The following VRK2 variants were observed in gnomAD, a reference collection of about 807,000 sequenced individuals.
VRK2 encodes the protein VRK serine/threonine kinase 2, also known as serine/threonine-protein kinase VRK2.
In VRK2, 60 loss-of-function variants were observed where a neutral mutation model predicts 57.6. That is an observed-to-expected ratio of 1.04 (90% confidence interval 0.85 to 1.29). VRK2 has a LOEUF of 1.29. Among genes scored for constraint, VRK2 ranks in the 50% most tolerant of loss-of-function variants. VRK2 has a pLI of 0.00. For missense variants in VRK2, 705 were observed against 588.1 expected, an observed-to-expected ratio of 1.20 and a Z score of -2.06; for synonymous variants, 231 against 199.2, an observed-to-expected ratio of 1.16 and a Z score of -1.35.
At chr2:57,939,284 G>T (rs1305371211) in intron 1 of VRK2, among the ~76,000 whole-genome samples, 1 of 152,030 alleles carries the variant, frequency 6.6e-6, no homozygotes, top group African/African-American at 2.4e-5. Flanking sequence ...CACTTTCATT[G>T]TCTTTTCCAA....
chr2:57,963,524 T>A (rs1207432526), intron 1 of VRK2, among the ~76,000 whole-genome samples: 1 of 152,220 alleles, frequency 6.6e-6, no homozygotes, highest in African/African-American at 2.4e-5. Context: ...AAATAGGATT[T>A]TTAAAAAAAA....
intron 2 of VRK2, among the ~76,000 whole-genome samples, chr2:58,053,730 T>A (rs930625439): frequency 5.3e-5 from 8 of 152,130 alleles, no homozygotes; most frequent in African/African-American, 1.9e-4. Context: ...CATATTACAT[T>A]ATTAAGTGTT....
chr2:58,154,252 CT>C (rs1242860222), intron 12 of VRK2, among the ~76,000 whole-genome samples: 3 of 150,298 alleles, frequency 2.0e-5, no homozygotes, highest in African/African-American at 7.3e-5. Context: ...ATTGATCATT[CT>C]GTATTTTTTA....
chr2:58,008,512 A>T (rs2103641431), intron 1 of VRK2, among the ~76,000 whole-genome samples: 1 of 152,062 alleles, frequency 6.6e-6, no homozygotes, highest in African/African-American at 2.4e-5. Flanking sequence ...TCCTGTGGTT[A>T]ACAAACGTGA....
In VRK2 at chr2:58,035,646, A is replaced by T. The variant is rs181459307; in HGVS notation, c.-6+2093A>T. On this transcript the variant is annotated intron_variant, in intron 3 of 15. Coordinates refer to the VRK2 transcript ENST00000417641. ...TGACATTTGAATGTTCATTACCCTT[A>T]TCCAATCAATTCAACATTGCTAACT... Among the ~76,000 whole-genome samples the T allele has an allele frequency of 6.6e-5, 10 of 152,144 alleles. No homozygotes were observed. In the East Asian group the frequency reaches 1.9e-3, roughly 30 times the overall value.
chr2:58,080,147 C>G (rs537415201), intron 2 of VRK2, among the ~76,000 whole-genome samples: 2 of 152,008 alleles, frequency 1.3e-5, no homozygotes, highest in South Asian at 4.1e-4. Context: ...AATAAAAACA[C>G]ATTTTAACTG....
At chr2:58,078,679 C>T (rs1407224646) in intron 2 of VRK2, among the ~76,000 whole-genome samples, 1 of 151,936 alleles carries the variant, frequency 6.6e-6, no homozygotes. Flanking sequence ...AAATTTAAAA[C>T]AAATTTTGTT....
Position 58,105,856 on chromosome 2 carries a change from T to G in VRK2, c.543+16133T>G, listed in dbSNP as rs543692965. ...AGTTAGTGTAAACCAAGTAGGCTACTTCCAATGCTGGTTAGTTGTGTTTTA... is the reference window on the plus strand; with the variant it reads ...AGTTAGTGTAAACCAAGTAGGCTACGTCCAATGCTGGTTAGTTGTGTTTTA... On this transcript the variant is annotated intron_variant, in intron 7 of 12. Coordinates refer to ENST00000340157, the MANE Select transcript of VRK2 (RefSeq NM_006296.7). 1.1e-3 allele frequency among the ~76,000 whole-genome samples: 172 copies of G among 152,102 alleles called. 1 individual carries two copies. Among genetic ancestry groups the G allele is most frequent in the African/African-American group, 4.0e-3 (165 of 41,560 alleles).
chr2:58,113,262 C>T (rs1344952037), intron 7 of VRK2, among the ~76,000 whole-genome samples: 1 of 149,894 alleles, frequency 6.7e-6, no homozygotes, highest in Non-Finnish European at 1.5e-5. Context: ...TGAGCTGAGA[C>T]TGTGCCACTG....
At chr2:57,992,163 T>C (rs1372345621) in intron 1 of VRK2, among the ~76,000 whole-genome samples, 1 of 152,102 alleles carries the variant, frequency 6.6e-6, no homozygotes, top group Non-Finnish European at 1.5e-5. Flanking sequence ...GTGGCAATAA[T>C]TAGTAGTTAA....
chr2:58,130,744 A>G (rs1017945912), intron 8 of VRK2, among the ~76,000 whole-genome samples: 1 of 152,202 alleles, frequency 6.6e-6, no homozygotes, highest in Non-Finnish European at 1.5e-5. Flanking sequence ...TACTGCTCTT[A>G]GGAGATTATA....
intron 2 of VRK2, among the ~76,000 whole-genome samples, chr2:58,071,440 A>C (rs1669347414): frequency 6.6e-6 from 1 of 152,022 alleles, no homozygotes; most frequent in African/African-American, 2.4e-5. Flanking sequence ...TGCATTGTAC[A>C]TTTAGGTTTA....
intron 10 of VRK2, among the ~76,000 whole-genome samples, chr2:58,137,085 T>TCATATATATC (rs1353980848): frequency 7.8e-6 from 1 of 128,960 alleles, no homozygotes; most frequent in African/African-American, 3.0e-5. Flanking sequence ...ATAACATATA[T>TCATATATATC]ATGTGTATAT....
intron 1 of VRK2, among the ~76,000 whole-genome samples, chr2:57,937,087 A>G (rs933045060): frequency 1.3e-5 from 2 of 152,242 alleles, no homozygotes; most frequent in Non-Finnish European, 2.9e-5. Flanking sequence ...CTTGTACTTC[A>G]ACATAGCATA....
At chr2:58,141,110 T>C (rs1029638014) in intron 11 of VRK2, among the ~76,000 whole-genome samples, 1 of 152,086 alleles carries the variant, frequency 6.6e-6, no homozygotes, top group Non-Finnish European at 1.5e-5. Context: ...TGGTAATTAC[T>C]GAGACTTGTT....
At chr2:58,004,033 CT>C (rs1452614248) in intron 1 of VRK2, among the ~76,000 whole-genome samples, 2 of 151,900 alleles carry the variant, frequency 1.3e-5, no homozygotes, top group African/African-American at 2.4e-5. Context: ...TCTCTCTTTA[CT>C]TTAATTCAAA....
intron 1 of VRK2, among the ~76,000 whole-genome samples, chr2:57,911,458 G>A (rs1473493402): frequency 5.3e-5 from 8 of 152,110 alleles, no homozygotes; most frequent in Admixed American, 5.2e-4. Flanking sequence ...TCTGATGGTC[G>A]CAGAAACCAG....
intron 6 of VRK2, among the ~76,000 whole-genome samples, chr2:58,089,362 C>A (rs1337814572): frequency 1.3e-5 from 2 of 152,150 alleles, no homozygotes; most frequent in East Asian, 1.9e-4. Context: ...ACTGGGCTAT[C>A]AGGAATTAGG....
chr2:58,110,276 A>G (rs1417614929), intron 7 of VRK2, among the ~76,000 whole-genome samples: 2 of 152,220 alleles, frequency 1.3e-5, no homozygotes, highest in African/African-American at 2.4e-5. Context: ...GTATGTAGCA[A>G]CTTTAAAGGC....
Sources: allele counts gnomAD v4.1 joint callset (sites outside exome capture counted in the v4.1 genomes callset), GRCh38; gene constraint gnomAD v4.1.1; transcripts MANE v1.5; gene names NCBI Gene and HGNC (gene_info 2026-07-23, HGNC 2026-07-21).